EPHA4: variants seen among roughly 807,000 people sequenced by gnomAD.
EPHA4 encodes the protein EPH receptor A4.
A neutral mutation model predicts 108.3 loss-of-function variants in EPHA4; 19 were observed. The ratio of observed to expected loss-of-function variants is 0.18; its 90% confidence interval spans 0.12 to 0.26. EPHA4 has a LOEUF of 0.26. EPHA4 is among the 10% of genes least tolerant of loss of function. The pLI is 1.00. For missense variants in EPHA4, 917 were observed against 1,254.0 expected (o/e 0.73, Z 4.06); for synonymous variants, 449 against 455.5 (o/e 0.99, Z 0.18).
intron 4 of EPHA4, among the ~76,000 whole-genome samples, chr2:221,483,527 T>C (rs1344783660): frequency 6.6e-6 from 1 of 151,700 alleles, no homozygotes; most frequent in African/African-American, 2.4e-5. Flanking sequence ...TGTGTGTGTG[T>C]GTGTGTGTGA....
chr2:221,510,110 T>C (rs929854383), intron 3 of EPHA4, among the ~76,000 whole-genome samples: 7 of 152,214 alleles, frequency 4.6e-5, no homozygotes, highest in African/African-American at 1.7e-4. Flanking sequence ...AAATGACCAA[T>C]GGATTTTCAT....
intron 11 of EPHA4, among the ~76,000 whole-genome samples, chr2:221,440,919 T>C (rs1206536275): frequency 1.3e-5 from 2 of 152,048 alleles, no homozygotes; most frequent in Non-Finnish European, 2.9e-5. Flanking sequence ...GTGATTCCCA[T>C]ACCAGCAGCA....
intron 9 of EPHA4, among the ~76,000 whole-genome samples, chr2:221,445,140 A>G (rs1237669235): frequency 6.6e-6 from 1 of 152,144 alleles, no homozygotes; most frequent in African/African-American, 2.4e-5. Context: ...TAAATTTAAA[A>G]ATCACTTTCT....
chr2:221,425,733 T>G lies in EPHA4; in HGVS notation c.*295A>C. 1 of 277,762 alleles carries G rather than the reference T, an allele frequency of 3.6e-6. No individual in the cohort carries two copies. The highest frequency in any genetic ancestry group is 7.4e-5 in the East Asian group (1 of 13,470). The allele number at this position is 277,762 out of a possible 1,614,324, so 17.2% of individuals were successfully genotyped here. A position where few individuals can be genotyped will look rare whatever the true frequency, so the allele number is the denominator to read the frequency against. The stretch of plus-strand genomic sequence containing the variant: ...CTGGCAGCAAATACAGCATCAAAAC[T>G]CAGAGGCAGTGTTCTATTTCTATAG... On this transcript the variant is annotated 3_prime_UTR_variant, in exon 17 of 18. Coordinates refer to ENST00000281821, the MANE Select transcript of EPHA4 (RefSeq NM_004438.5).
At chr2:221,570,219 A>G (rs1490065439) in intron 1 of EPHA4, among the ~76,000 whole-genome samples, 3 of 147,290 alleles carry the variant, frequency 2.0e-5, no homozygotes, top group Non-Finnish European at 4.5e-5. Flanking sequence ...TTTAAGGGGG[A>G]GGTGGGGGAG....
chr2:221,517,991 T>C (rs564423781), intron 3 of EPHA4, among the ~76,000 whole-genome samples: 4 of 152,238 alleles, frequency 2.6e-5, no homozygotes, highest in African/African-American at 9.6e-5. Context: ...GCCATTGAAG[T>C]AAGTGAGTTA....
At chr2:221,538,435 G>A (rs939310905) in intron 3 of EPHA4, among the ~76,000 whole-genome samples, 1 of 152,176 alleles carries the variant, frequency 6.6e-6, no homozygotes, top group Non-Finnish European at 1.5e-5. Flanking sequence ...TAGCAGCCTA[G>A]AGCTATTAGA....
intron 3 of EPHA4, among the ~76,000 whole-genome samples, chr2:221,550,750 A>G (rs1413608427): frequency 6.6e-6 from 1 of 152,178 alleles, no homozygotes; most frequent in Non-Finnish European, 1.5e-5. Context: ...TTCAATTAAC[A>G]AACTGAATTC....
chr2:221,540,718 A>T (rs1423757377), intron 3 of EPHA4, among the ~76,000 whole-genome samples: 1 of 152,130 alleles, frequency 6.6e-6, no homozygotes, highest in Middle Eastern at 3.2e-3. Context: ...TTTATTAAGG[A>T]TTCCCTCTAC....
At chr2:221,528,306 G>A (rs28688077) in intron 3 of EPHA4, among the ~76,000 whole-genome samples, 2 of 152,160 alleles carry the variant, frequency 1.3e-5, no homozygotes, top group Non-Finnish European at 2.9e-5. Context: ...GCCTTGCTAC[G>A]CTGCCTCCCT....
At chr2:221,450,339 T>G (rs1690741570) in intron 8 of EPHA4, among the ~76,000 whole-genome samples, 1 of 152,230 alleles carries the variant, frequency 6.6e-6, no homozygotes, top group Admixed American at 6.5e-5. Context: ...TGGAATATCT[T>G]AACCTTCAAT....
chr2:221,449,561 C>T (rs1338274427), intron 8 of EPHA4, among the ~76,000 whole-genome samples: 1 of 152,176 alleles, frequency 6.6e-6, no homozygotes, highest in South Asian at 2.1e-4. Context: ...GCAGGTGAAA[C>T]TTTGAAAGAG....
chr2:221,548,128 G>C (rs567235517), intron 3 of EPHA4, among the ~76,000 whole-genome samples: 1 of 152,134 alleles, frequency 6.6e-6, no homozygotes, highest in African/African-American at 2.4e-5. Context: ...GAATGGGTTA[G>C]CACCATCCTC....
intron 4 of EPHA4, among the ~76,000 whole-genome samples, chr2:221,493,058 T>A (rs1692195497): frequency 6.6e-6 from 1 of 152,174 alleles, no homozygotes; most frequent in Non-Finnish European, 1.5e-5. Flanking sequence ...TCTGAAACAC[T>A]TTCATTTACG....
At chr2:221,565,468 A>T (rs1372299194) in intron 2 of EPHA4, among the ~76,000 whole-genome samples, 1 of 152,212 alleles carries the variant, frequency 6.6e-6, no homozygotes, top group Admixed American at 6.5e-5. Context: ...TTTAACAAAC[A>T]TATGAATATA....
intron 14 of EPHA4, among the ~76,000 whole-genome samples, chr2:221,430,682 C>A (rs1222219245): frequency 6.6e-6 from 1 of 152,148 alleles, no homozygotes; most frequent in African/African-American, 2.4e-5. Flanking sequence ...AGACGCCCAG[C>A]CATTTTTTCT....
chr2:221,542,398 T>C (rs1212782437), intron 3 of EPHA4, among the ~76,000 whole-genome samples: 1 of 152,068 alleles, frequency 6.6e-6, no homozygotes, highest in Non-Finnish European at 1.5e-5. Context: ...AATTTCAAGG[T>C]CACAGAAACA....
Position 221,571,824 on chromosome 2 carries a change from T to C in EPHA4, c.91+334A>G, listed in dbSNP as rs1559299790. 6.6e-6 allele frequency among the ~76,000 whole-genome samples: 1 copy of C among 152,132 alleles called. No homozygotes were observed. The highest frequency in any genetic ancestry group is 2.1e-4 in the South Asian group (1 of 4,826). ...CTGGCTCAGGAGAGGACGTGGTTCT[T>C]GTAATTTTTTTTTTAAATCCCGGCG... On this transcript the variant is annotated intron_variant, in intron 1 of 17. Coordinates refer to ENST00000281821, the MANE Select transcript of EPHA4 (RefSeq NM_004438.5). This position sits in a 1 kb window ranked among gnomAD's most constrained non-coding sequence, Gnocchi z 6.3.
At chr2:221,514,867 G>A (rs1021502055) in intron 3 of EPHA4, among the ~76,000 whole-genome samples, 3 of 152,156 alleles carry the variant, frequency 2.0e-5, no homozygotes, top group African/African-American at 7.2e-5. Context: ...AAACATGGAT[G>A]AGCTGGAAGC....
Sources: gnomAD v4.1 joint callset for allele counts (sites outside exome capture counted in the v4.1 genomes callset) on GRCh38, gnomAD v4.1.1 for gene constraint, Gnocchi (gnomAD v3.1) non-coding constraint, MANE v1.5 for transcripts, NCBI Gene and HGNC (gene_info 2026-07-23, HGNC 2026-07-21) for gene names.